SHANK2: variants seen among roughly 807,000 people sequenced by gnomAD.
The protein encoded by SHANK2 is SH3 and multiple ankyrin repeat domains 2.
A neutral mutation model predicts 133.7 loss-of-function variants in SHANK2; 43 were observed. That is an observed-to-expected ratio of 0.32 (90% CI 0.25 to 0.41). SHANK2 has a LOEUF of 0.41. SHANK2 is among the 10% of genes least tolerant of loss of function. The probability of loss-of-function intolerance (pLI) is 1.00; values close to 1 mark genes in which losing one functional copy is unlikely to be tolerated. For synonymous variants in SHANK2, 1,017 were observed against 952.8 expected (o/e 1.07, Z -1.24); for missense variants, 1,994 against 2,235.8 (o/e 0.89, Z 2.18).
intron 17 of SHANK2, among the ~76,000 whole-genome samples, chr11:70,530,353 C>T (rs1254159304): frequency 6.6e-6 from 1 of 152,068 alleles, no homozygotes; most frequent in Non-Finnish European, 1.5e-5. Context: ...CTGGGCAACA[C>T]AGTGAGACAC....
intron 14 of SHANK2, among the ~76,000 whole-genome samples, chr11:70,743,397 G>A (rs1376479421): frequency 3.3e-5 from 5 of 152,116 alleles, no homozygotes; most frequent in Non-Finnish European, 5.9e-5. Context: ...AGTACCCCTC[G>A]CCCCCCAATG....
intron 21 of SHANK2, among the ~76,000 whole-genome samples, chr11:70,499,714 C>T (rs903287603): frequency 2.0e-5 from 3 of 152,180 alleles, no homozygotes; most frequent in Admixed American, 6.5e-5. Context: ...CTAGAAAGCC[C>T]GCTGGGAGTT....
chr11:70,911,388 CA>C (rs1452467707), intron 10 of SHANK2, among the ~76,000 whole-genome samples: 1 of 151,646 alleles, frequency 6.6e-6, no homozygotes, highest in Admixed American at 6.6e-5. Context: ...AACAAAAAAA[CA>C]AAAAACAAAA....
chr11:71,128,719 T>C (rs1178054530), intron 3 of SHANK2, among the ~76,000 whole-genome samples: 1 of 152,116 alleles, frequency 6.6e-6, no homozygotes, highest in African/African-American at 2.4e-5. Context: ...CCGACATCTG[T>C]CTCAGCACCA....
intron 17 of SHANK2, among the ~76,000 whole-genome samples, chr11:70,546,626 T>C (rs546846036): frequency 4.1e-4 from 62 of 152,300 alleles, no homozygotes; most frequent in African/African-American, 1.4e-3. Flanking sequence ...CCCAGTCCCA[T>C]TGAAGCCTCC....
chr11:70,819,366 C>T (rs1002212918), intron 12 of SHANK2, among the ~76,000 whole-genome samples: 7 of 152,224 alleles, frequency 4.6e-5, no homozygotes, highest in East Asian at 3.8e-4. Flanking sequence ...GTGGAGGCAT[C>T]GGTGGCAACG....
At chr11:71,169,018 T>C (rs868986644) in intron 2 of SHANK2, among the ~76,000 whole-genome samples, 15 of 152,296 alleles carry the variant, frequency 9.8e-5, no homozygotes, top group African/African-American at 1.7e-4. Flanking sequence ...AAAGTAATTG[T>C]GGGTTTTGCC....
chr11:70,613,307 C>T (rs900142638), intron 17 of SHANK2, among the ~76,000 whole-genome samples: 4 of 152,062 alleles, frequency 2.6e-5, no homozygotes, highest in African/African-American at 9.6e-5. Flanking sequence ...AGGTTCATGC[C>T]ATTCTCCTGC....
At chr11:70,869,971 C>A (rs1179524605) in intron 11 of SHANK2, among the ~76,000 whole-genome samples, 1 of 152,154 alleles carries the variant, frequency 6.6e-6, no homozygotes, top group Non-Finnish European at 1.5e-5. Flanking sequence ...GAGTGTCCCC[C>A]CAAATCCATG....
At chr11:70,515,337 C>T (rs1190648617) in intron 17 of SHANK2, among the ~76,000 whole-genome samples, 1 of 152,164 alleles carries the variant, frequency 6.6e-6, no homozygotes, top group African/African-American at 2.4e-5. Flanking sequence ...CTGCGCCTGG[C>T]CATTCAATGA....
At chr11:70,491,934 G>C (rs536220206) in intron 22 of SHANK2, among the ~76,000 whole-genome samples, 1 of 152,210 alleles carries the variant, frequency 6.6e-6, no homozygotes, top group Admixed American at 6.5e-5. Context: ...GAGTGTGGGG[G>C]ACTGCCACAT....
intron 17 of SHANK2, chr11:70,635,198 C>T (rs1555003478): frequency 6.6e-6 from 1 of 152,236 alleles, no homozygotes; most frequent in African/African-American, 2.4e-5. Flanking sequence ...AATGCCACTT[C>T]TGCATCTATG....
At chr11:70,855,010 T>C (rs1487404468) in intron 11 of SHANK2, among the ~76,000 whole-genome samples, 1 of 152,216 alleles carries the variant, frequency 6.6e-6, no homozygotes, top group East Asian at 1.9e-4. Flanking sequence ...TCCATCAATC[T>C]AGGAGGTCTG....
chr11:71,074,483 G>A (rs945814295), intron 9 of SHANK2, among the ~76,000 whole-genome samples: 4 of 152,216 alleles, frequency 2.6e-5, no homozygotes, highest in Admixed American at 6.5e-5. Context: ...GGGGCTTTAC[G>A]TGTTTTTTTA....
At chr11:71,205,960 A>G (rs2135660741) in intron 2 of SHANK2, among the ~76,000 whole-genome samples, 1 of 152,198 alleles carries the variant, frequency 6.6e-6, no homozygotes, top group East Asian at 1.9e-4. Context: ...TCTGGGGAGA[A>G]AAGCTCCAAT....
intron 15 of SHANK2, among the ~76,000 whole-genome samples, chr11:70,694,506 G>A (rs1945352611): frequency 6.6e-6 from 1 of 152,246 alleles, no homozygotes; most frequent in African/African-American, 2.4e-5. Context: ...CCTCAGCCCT[G>A]TGCTGTCTGC....
chr11:70,707,877 C>A (rs1555025297), intron 14 of SHANK2, among the ~76,000 whole-genome samples: 1 of 152,226 alleles, frequency 6.6e-6, no homozygotes, highest in Non-Finnish European at 1.5e-5. Flanking sequence ...TACCACCTCA[C>A]CCCACGCCCC....
chr11:70,767,696 G>T (rs1042926273), intron 14 of SHANK2, among the ~76,000 whole-genome samples: 3 of 151,636 alleles, frequency 2.0e-5, no homozygotes, highest in South Asian at 2.1e-4. Context: ...GCCAGGGGTG[G>T]GGGGGGCATG....
chr11:70,613,684 T>C (rs1361781949), intron 17 of SHANK2, among the ~76,000 whole-genome samples: 1 of 151,424 alleles, frequency 6.6e-6, no homozygotes, highest in Non-Finnish European at 1.5e-5. Context: ...AATTAAGATA[T>C]CAATTAATGT....
Sources: allele counts gnomAD v4.1 joint callset (sites outside exome capture counted in the v4.1 genomes callset), GRCh38; gene constraint gnomAD v4.1.1; transcripts MANE v1.5; gene names NCBI Gene and HGNC (gene_info 2026-07-23, HGNC 2026-07-21).